CDH8: variants seen among roughly 807,000 people sequenced by gnomAD.
CDH8 encodes the protein cadherin 8, also known as cadherin-8.
In CDH8, 17 loss-of-function variants were observed where a neutral mutation model predicts 68.1. That is an observed-to-expected ratio of 0.25 (90% CI 0.17 to 0.37). The LOEUF (loss-of-function observed/expected upper bound fraction) is 0.37. CDH8 is among the 10% of genes least tolerant of loss of function. The pLI, the probability that CDH8 is intolerant of heterozygous loss-of-function variation, is 1.00. For synonymous variants in CDH8, 372 were observed against 365.1 expected (o/e 1.02, Z -0.21); for missense variants, 763 against 999.3 (o/e 0.76, Z 3.19).
chr16:61,959,506 A>G (rs1389555921), intron 2 of CDH8, among the ~76,000 whole-genome samples: 2 of 145,088 alleles, frequency 1.4e-5, no homozygotes, highest in East Asian at 2.0e-4. Flanking sequence ...CGCAAAAGCC[A>G]GCCCTGCCTT....
At chr16:61,846,292 A>C (rs1462876912) in intron 4 of CDH8, among the ~76,000 whole-genome samples, 2 of 152,136 alleles carry the variant, frequency 1.3e-5, no homozygotes, top group Non-Finnish European at 2.9e-5. Context: ...CACTTTGGAT[A>C]ATAAGCAAGA....
chr16:62,008,956 C>T (rs1901738367), intron 2 of CDH8, among the ~76,000 whole-genome samples: 2 of 151,396 alleles, frequency 1.3e-5, no homozygotes, highest in Non-Finnish European at 2.9e-5. Flanking sequence ...CACACACACA[C>T]ACACACACAT....
At chr16:61,722,532 T>TGGGTA (rs1959231203) in intron 9 of CDH8, among the ~76,000 whole-genome samples, 1 of 150,856 alleles carries the variant, frequency 6.6e-6, no homozygotes, top group Non-Finnish European at 1.5e-5. Context: ...ATCTTGTAGA[T>TGGGTA]GGGTAATAAA....
chr16:61,797,643 C>T (rs766117657), intron 7 of CDH8, among the ~76,000 whole-genome samples: 83 of 152,090 alleles, frequency 5.5e-4, no homozygotes, highest in Non-Finnish European at 8.8e-4. Context: ...TTTCCTTGTA[C>T]TTTAAAACAT....
intron 10 of CDH8, chr16:61,667,469 T>C (rs1254501144): frequency 6.6e-6 from 1 of 152,018 alleles, no homozygotes; most frequent in East Asian, 1.9e-4. Context: ...CATCTAGCAG[T>C]AGAGTTCTGT....
intron 6 of CDH8, among the ~76,000 whole-genome samples, chr16:61,820,041 G>A (rs565189218): frequency 6.6e-6 from 1 of 152,186 alleles, no homozygotes; most frequent in Admixed American, 6.6e-5. Flanking sequence ...AATGGAAAAT[G>A]CTGTACAGAA....
At chr16:62,019,660 C>T (rs755403956) in intron 2 of CDH8, among the ~76,000 whole-genome samples, 2 of 152,128 alleles carry the variant, frequency 1.3e-5, no homozygotes, top group Non-Finnish European at 2.9e-5. Flanking sequence ...AGCCTCAAGT[C>T]GGTTCTGCTC....
chr16:61,996,288 C>CA (rs1473147958), intron 2 of CDH8, among the ~76,000 whole-genome samples: 1 of 152,190 alleles, frequency 6.6e-6, no homozygotes, highest in African/African-American at 2.4e-5. Context: ...TTGAGCAACA[C>CA]AGTCTTGACA....
chr16:61,981,221 G>A (rs926508241), intron 2 of CDH8, among the ~76,000 whole-genome samples: 34 of 152,154 alleles, frequency 2.2e-4, no homozygotes, highest in African/African-American at 8.2e-4. Context: ...TTCAGAAATT[G>A]TTCTAATAAT....
rs781057365 is a variant in CDH8, at chr16:61,821,035, A to T, written c.914T>A (p.Ile305Asn). ...IGRVKANDQD[I>N]GENAQSSYDI... ...ATATGATGACTGTGCATTTTCACCAATATCCTGATCATTGGCCTTCACCCT... is the reference window on the plus strand; with the variant it reads ...ATATGATGACTGTGCATTTTCACCATTATCCTGATCATTGGCCTTCACCCT... Residue 305 changes from isoleucine to asparagine, a missense_variant, in exon 6 of 12, where the codon ATT becomes AAT. This residue lies in a region of CDH8 where 366 missense variants were observed against 563.1 expected (regional missense o/e 0.65). Coordinates refer to ENST00000577390, the MANE Select transcript of CDH8 (RefSeq NM_001796.5). The T allele has an allele frequency of 6.2e-7, 1 of 1,612,898 alleles. No homozygotes were observed. Among genetic ancestry groups the T allele is most frequent in the Non-Finnish European group, 8.5e-7 (1 of 1,179,244 alleles).
At chr16:61,986,671 G>T (rs1965634160) in intron 2 of CDH8, among the ~76,000 whole-genome samples, 1 of 152,190 alleles carries the variant, frequency 6.6e-6, no homozygotes, top group Non-Finnish European at 1.5e-5. Context: ...GTAGAGCAGA[G>T]GAGGGCAGGG....
At chr16:61,923,329 G>A (rs1964403341) in intron 2 of CDH8, among the ~76,000 whole-genome samples, 1 of 152,032 alleles carries the variant, frequency 6.6e-6, no homozygotes, top group African/African-American at 2.4e-5. Context: ...TGTATAAAAA[G>A]CATTATCTGA....
At chr16:61,932,866 A>T (rs1964568447) in intron 2 of CDH8, among the ~76,000 whole-genome samples, 1 of 152,330 alleles carries the variant, frequency 6.6e-6, no homozygotes, top group South Asian at 2.1e-4. Flanking sequence ...GTGAAAATAC[A>T]TATTTTGATT....
intron 10 of CDH8, among the ~76,000 whole-genome samples, chr16:61,659,221 A>G (rs1963508182): frequency 1.3e-5 from 2 of 152,204 alleles, no homozygotes; most frequent in African/African-American, 4.8e-5. Context: ...GATTCTGGAA[A>G]TGGATCTGGA....
At chr16:62,014,734 G>A (rs1004635277) in intron 2 of CDH8, among the ~76,000 whole-genome samples, 3 of 152,112 alleles carry the variant, frequency 2.0e-5, no homozygotes, top group Non-Finnish European at 4.4e-5. Flanking sequence ...GTGCCTTGGA[G>A]GAAGAGAATT....
chr16:61,951,511 TCA>T (rs1964897839), intron 2 of CDH8, among the ~76,000 whole-genome samples: 1 of 90,912 alleles, frequency 1.1e-5, no homozygotes. Flanking sequence ...AGACTCCGTC[TCA>T]AAAAAAAAAA....
intron 10 of CDH8, among the ~76,000 whole-genome samples, chr16:61,710,259 C>T (rs190316900): frequency 1.9e-3 from 290 of 151,982 alleles, no homozygotes; most frequent in Non-Finnish European, 3.4e-3. Context: ...TAAGAGTATT[C>T]GATACTTCCA....
chr16:61,955,648 CA>C, intron 2 of CDH8, among the ~76,000 whole-genome samples: 1 of 152,010 alleles, frequency 6.6e-6, no homozygotes, highest in African/African-American at 2.4e-5. Flanking sequence ...AAGAGTTTAT[CA>C]TAAGGTCATT....
chr16:61,778,248 C>T (rs991021760), intron 8 of CDH8, among the ~76,000 whole-genome samples: 1 of 152,094 alleles, frequency 6.6e-6, no homozygotes, highest in South Asian at 2.1e-4. Flanking sequence ...ATGGTGCTCT[C>T]GCTCTATGTC....
Sources: gnomAD v4.1 joint callset for allele counts (sites outside exome capture counted in the v4.1 genomes callset) on GRCh38, gnomAD v4.1.1 for gene constraint, gnomAD v4.1.1 regional missense constraint, MANE v1.5 for transcripts, NCBI Gene and HGNC (gene_info 2026-07-23, HGNC 2026-07-21) for gene names.